Variants in NECAB1 observed in about 807,000 individuals in gnomAD.
NECAB1 encodes the protein N-terminal EF-hand calcium binding protein 1.
Under a neutral mutation model 57.5 loss-of-function variants are expected in NECAB1, and 29 were observed. The ratio of observed to expected loss-of-function variants is 0.50; its 90% CI spans 0.38 to 0.69. NECAB1 has a LOEUF of 0.69. NECAB1 is among the 30% of genes least tolerant of loss of function. The pLI is 0.00. For synonymous variants in NECAB1, 142 were observed against 147.7 expected, an observed-to-expected ratio of 0.96 and a Z score of 0.28; for missense variants, 372 against 413.8, an observed-to-expected ratio of 0.90 and a Z score of 0.88.
chr8:90,946,033 G>A lies in NECAB1; in HGVS notation c.861-3774G>A, dbSNP rs1327278907. 2.6e-5 allele frequency among the ~76,000 whole-genome samples: 4 copies of A among 152,192 alleles called. No individual in the cohort carries two copies. In the East Asian group the frequency reaches 7.7e-4, roughly 29 times the overall value. The stretch of plus-strand genomic sequence containing the variant: ...TTCAAGCCCTAAGCCTTTAACAACT[G>A]CTGACAAATCTTTCTAAAAATTATT... On this transcript the variant is annotated intron_variant, in intron 10 of 12. Transcript: ENST00000417640.
intron 5 of NECAB1, among the ~76,000 whole-genome samples, chr8:90,906,883 A>ATATATATGTGTATATATATATATGTGTG (rs1554574053): frequency 2.5e-5 from 2 of 80,758 alleles, no homozygotes; most frequent in African/African-American, 9.5e-5. Context: ...ACACATATAT[A>ATATATATGTGTATATATATATATGTGTG]TATATATATA....
At chr8:90,918,542 G>A (rs892742061) in intron 6 of NECAB1, among the ~76,000 whole-genome samples, 4 of 152,100 alleles carry the variant, frequency 2.6e-5, no homozygotes, top group African/African-American at 9.7e-5. Context: ...GATTAAATAT[G>A]GATAGAGGGA....
At chr8:90,933,138 A>G (rs1810449855) in intron 8 of NECAB1, among the ~76,000 whole-genome samples, 1 of 152,238 alleles carries the variant, frequency 6.6e-6, no homozygotes, top group African/African-American at 2.4e-5. Context: ...GGGAATGTAA[A>G]CAAGTACAAC....
intron 3 of NECAB1, among the ~76,000 whole-genome samples, chr8:90,868,627 T>C (rs1808562595): frequency 6.6e-6 from 1 of 152,226 alleles, no homozygotes; most frequent in African/African-American, 2.4e-5. Context: ...AAGAAATTTC[T>C]AAGCAGCAAA....
chr8:90,803,236 A>T (rs1811790920), intron 2 of NECAB1, among the ~76,000 whole-genome samples: 1 of 152,118 alleles, frequency 6.6e-6, no homozygotes, highest in Non-Finnish European at 1.5e-5. Flanking sequence ...TGATGGCATC[A>T]TTTTGTCTTC....
chr8:90,847,798 A>G (rs907069499), intron 3 of NECAB1, among the ~76,000 whole-genome samples: 1 of 152,300 alleles, frequency 6.6e-6, no homozygotes, highest in Non-Finnish European at 1.5e-5. Flanking sequence ...CCACAGCTGG[A>G]GCAGCTGGGA....
rs551750010 is a variant in NECAB1, at chr8:90,927,045, G to C, written c.617-1178G>C. Among the ~76,000 whole-genome samples, 278 of 152,180 alleles carry C rather than the reference G, an allele frequency of 1.8e-3. 2 individuals carry two copies. Among genetic ancestry groups the C allele is most frequent in the African/African-American group, 6.1e-3 (255 of 41,532 alleles). On this transcript the variant is annotated intron_variant, in intron 7 of 12. Transcript: ENST00000417640. ...TTCCATTTTAACCATTTAGAAAATA[G>C]TCCAAAATATCTTTTCTTGGGTCTC... is the stretch of plus-strand genomic sequence containing the variant.
chr8:90,861,768 A>T (rs1287330358), intron 3 of NECAB1, among the ~76,000 whole-genome samples: 1 of 152,198 alleles, frequency 6.6e-6, no homozygotes, highest in Non-Finnish European at 1.5e-5. Flanking sequence ...ATTCTGGCTT[A>T]GAAATGTAAG....
At chr8:90,942,682 G>C (rs373700162) in intron 10 of NECAB1, among the ~76,000 whole-genome samples, 2 of 152,118 alleles carry the variant, frequency 1.3e-5, no homozygotes, top group African/African-American at 4.8e-5. Flanking sequence ...AGGAGTTCGA[G>C]ACCAGACTGA....
chr8:90,862,364 ATACCTTTT>A (rs1338296246), intron 3 of NECAB1, among the ~76,000 whole-genome samples: 1 of 152,108 alleles, frequency 6.6e-6, no homozygotes, highest in Non-Finnish European at 1.5e-5. Context: ...TTCATTGGAG[ATACCTTTT>A]TACCTTTTGG....
chr8:90,841,889 C>T (rs181558646), intron 3 of NECAB1, among the ~76,000 whole-genome samples: 56 of 152,318 alleles, frequency 3.7e-4, no homozygotes, highest in African/African-American at 1.3e-3. Flanking sequence ...CCATGCAGTT[C>T]TCTAAAAGGT....
chr8:90,833,330 A>G (rs574040199), intron 3 of NECAB1, among the ~76,000 whole-genome samples: 32 of 151,268 alleles, frequency 2.1e-4, no homozygotes, highest in East Asian at 9.8e-4. Flanking sequence ...AAACTTTTTC[A>G]TATCTTTTTT....
At chr8:90,852,005 C>T (rs1563505513) in intron 3 of NECAB1, among the ~76,000 whole-genome samples, 2 of 152,042 alleles carry the variant, frequency 1.3e-5, no homozygotes, top group East Asian at 3.9e-4. Flanking sequence ...TCCAATGTCA[C>T]CTTCACTAAA....
intron 3 of NECAB1, among the ~76,000 whole-genome samples, chr8:90,859,517 A>G (rs569034350): frequency 1.3e-5 from 2 of 152,268 alleles, no homozygotes; most frequent in South Asian, 4.1e-4. Context: ...AACAAGAAGC[A>G]AGTGGTTGGT....
intron 3 of NECAB1, among the ~76,000 whole-genome samples, chr8:90,825,769 T>C (rs1235175071): frequency 6.6e-6 from 1 of 151,870 alleles, no homozygotes; most frequent in East Asian, 1.9e-4. Flanking sequence ...AATTTAGAAG[T>C]TTCTTGACTT....
rs969669482 is a variant in NECAB1 at position 90,869,513 on chromosome 8, C to T, written c.234-2615C>T. On this transcript the variant is annotated intron_variant, in intron 3 of 12. Coordinates refer to ENST00000417640, the MANE Select transcript of NECAB1 (RefSeq NM_022351.5). ...CAAGGCCTTGGGAGGCCACCCCTCA[C>T]ATCAGTGTGGCCTGGATGTGAGATA... 2.6e-5 allele frequency among the ~76,000 whole-genome samples: 4 copies of T among 152,218 alleles called. No homozygotes were observed. The East Asian group carries it at 5.8e-4, about 22-fold the overall frequency.
At chr8:90,867,888 G>C (rs1808550197) in intron 3 of NECAB1, among the ~76,000 whole-genome samples, 1 of 151,974 alleles carries the variant, frequency 6.6e-6, no homozygotes, top group Non-Finnish European at 1.5e-5. Flanking sequence ...CCCTTTTTCT[G>C]TCTGATATGG....
intron 5 of NECAB1, among the ~76,000 whole-genome samples, chr8:90,907,151 T>TGAGAGAGAGAGAGAGAGAGA (rs71266152): frequency 2.0e-5 from 2 of 102,042 alleles, no homozygotes; most frequent in African/African-American, 8.9e-5. Context: ...TGTGTGTGTG[T>TGAGAGAGAGAGAGAGAGAGA]GAGAGAGAGA....
At chr8:90,892,322 AAT>A (rs1389332561) in intron 5 of NECAB1, among the ~76,000 whole-genome samples, 1 of 152,190 alleles carries the variant, frequency 6.6e-6, no homozygotes, top group African/African-American at 2.4e-5. Context: ...CATTCAGTCA[AAT>A]ATGAGCATTA....
Sources: allele counts gnomAD v4.1 joint callset (sites outside exome capture counted in the v4.1 genomes callset), GRCh38; gene constraint gnomAD v4.1.1; transcripts MANE v1.5; gene names NCBI Gene and HGNC (gene_info 2026-07-23, HGNC 2026-07-21).